The following KLHL29 variants were observed in gnomAD, a reference collection of about 807,000 sequenced individuals.
KLHL29 encodes kelch like family member 29.
A neutral mutation model predicts 80.4 loss-of-function variants in KLHL29; 21 were observed. The ratio of observed to expected loss-of-function variants is 0.26; its 90% confidence interval spans 0.19 to 0.38. KLHL29 has a LOEUF of 0.38. KLHL29 is among the 10% of genes least tolerant of loss of function. The pLI is 1.00. For synonymous variants in KLHL29, 511 were observed against 526.8 expected, an observed-to-expected ratio of 0.97 and a Z score of 0.41; for missense variants, 867 against 1,223.9, an observed-to-expected ratio of 0.71 and a Z score of 4.35.
intron 3 of KLHL29, among the ~76,000 whole-genome samples, chr2:23,606,847 C>A (rs1668740571): frequency 6.6e-6 from 1 of 152,190 alleles, no homozygotes. Context: ...GCTGCCATAA[C>A]AAAATACTGT....
chr2:23,394,056 C>T (rs1666388218), intron 1 of KLHL29, among the ~76,000 whole-genome samples: 1 of 152,196 alleles, frequency 6.6e-6, no homozygotes, highest in Non-Finnish European at 1.5e-5. Flanking sequence ...CTGTTTTGTG[C>T]AAAGCATACG....
At chr2:23,687,292 C>G (rs2149197151) in intron 6 of KLHL29, among the ~76,000 whole-genome samples, 1 of 152,326 alleles carries the variant, frequency 6.6e-6, no homozygotes, top group Admixed American at 6.5e-5. Context: ...CCTGCTGTCC[C>G]CGCATCCCCA....
At chr2:23,431,184 A>G (rs1663165418) in intron 1 of KLHL29, among the ~76,000 whole-genome samples, 2 of 152,194 alleles carry the variant, frequency 1.3e-5, no homozygotes, top group Non-Finnish European at 2.9e-5. Flanking sequence ...TGTGGAGTCC[A>G]TGGCACCAAC....
At chr2:23,653,814 A>G (rs1417114818) in intron 5 of KLHL29, among the ~76,000 whole-genome samples, 1 of 150,394 alleles carries the variant, frequency 6.6e-6, no homozygotes, top group African/African-American at 2.4e-5. Context: ...CAAATATCAG[A>G]TGAGTGTTTT....
intron 6 of KLHL29, among the ~76,000 whole-genome samples, chr2:23,687,797 A>G (rs1411750169): frequency 6.6e-6 from 1 of 152,140 alleles, no homozygotes; most frequent in East Asian, 1.9e-4. Flanking sequence ...ACGTTGCTGC[A>G]GGGCCGGGTA....
chr2:23,662,471 A>C (rs1422237488), intron 5 of KLHL29, among the ~76,000 whole-genome samples: 1 of 152,190 alleles, frequency 6.6e-6, no homozygotes, highest in Admixed American at 6.5e-5. Context: ...GCCTTTGGCC[A>C]TGCGAGGCCT....
chr2:23,642,367 G>T lies in KLHL29; in HGVS notation c.457G>T (p.Ala153Ser), dbSNP rs747009192. The change falls in exon 5 of 14, where the codon GCC becomes TCC. Residue 153 changes from alanine (A) to serine (S), a missense_variant. By Grantham distance (99) the Ala-to-Ser change is moderately conservative. Transcript: ENST00000486442. Reference sequence around the variant, plus strand: ...AGGGCCATGGGTGACCACGGTGGCCGCCGGGAACCAGCCCACCCTGATTGC... The same window carrying T: ...AGGGCCATGGGTGACCACGGTGGCCTCCGGGAACCAGCCCACCCTGATTGC... ...GTGPWVTTVA[A>S]GNQPTLIAHS... is the part of the protein sequence containing the mutation. 1.6e-4 allele frequency: 226 copies of T among 1,431,908 alleles called. No individual in the cohort carries two copies. The highest frequency in any genetic ancestry group is 2.0e-4 in the Non-Finnish European group (216 of 1,087,458). The allele number at this position is 1,431,908 out of a possible 1,614,324, so 88.7% of individuals were successfully genotyped here. A position where few individuals can be genotyped will look rare whatever the true frequency, so the allele number is the denominator to read the frequency against.
At chr2:23,602,957 C>G (rs1287945174) in intron 3 of KLHL29, among the ~76,000 whole-genome samples, 1 of 152,136 alleles carries the variant, frequency 6.6e-6, no homozygotes, top group African/African-American at 2.4e-5. Flanking sequence ...CTTCATAGAC[C>G]CCTCTGATTT....
intron 2 of KLHL29, among the ~76,000 whole-genome samples, chr2:23,501,805 A>G (rs1665453182): frequency 6.6e-6 from 1 of 152,156 alleles, no homozygotes; most frequent in South Asian, 2.1e-4. Context: ...TGCACTGACA[A>G]ATGCAGACAT....
At chr2:23,497,354 G>A (rs1305136186) in intron 2 of KLHL29, among the ~76,000 whole-genome samples, 3 of 152,170 alleles carry the variant, frequency 2.0e-5, no homozygotes, top group Non-Finnish European at 2.9e-5. Flanking sequence ...GCAGGGAGCC[G>A]AGGGTTTCCT....
In KLHL29 at chr2:23,609,963, G is replaced by A. The variant is rs188457439; in HGVS notation, c.286-29176G>A. Reference sequence around the variant, plus strand: ...CCACACTACTGTCTTCAGTGACATGGGGGTACGGGAGGTCCATTACTCAGG... The same window carrying A: ...CCACACTACTGTCTTCAGTGACATGAGGGTACGGGAGGTCCATTACTCAGG... On this transcript the variant is annotated intron_variant, in intron 3 of 13. Transcript: ENST00000486442. 2.0e-3 allele frequency among the ~76,000 whole-genome samples: 299 copies of A among 152,258 alleles called. 1 individual carries two copies. The highest frequency in any genetic ancestry group is 6.8e-3 in the Middle Eastern group (2 of 294).
At chr2:23,386,302 G>C (rs1290838286) in intron 1 of KLHL29, among the ~76,000 whole-genome samples, 1 of 152,162 alleles carries the variant, frequency 6.6e-6, no homozygotes, top group African/African-American at 2.4e-5. Flanking sequence ...TCTGCCCCTC[G>C]CGTCCTCTGA....
At chr2:23,404,536 A>G (rs1666678202) in intron 1 of KLHL29, among the ~76,000 whole-genome samples, 1 of 152,280 alleles carries the variant, frequency 6.6e-6, no homozygotes, top group African/African-American at 2.4e-5. Context: ...AATCCGTGAC[A>G]TGATCGAGGT....
chr2:23,643,835 G>T (rs535873832), intron 5 of KLHL29: 3 of 152,348 alleles, frequency 2.0e-5, no homozygotes, highest in African/African-American at 4.8e-5. Context: ...GCCCAACGGG[G>T]TGTCTACATC....
intron 5 of KLHL29, among the ~76,000 whole-genome samples, chr2:23,653,439 C>T (rs1453045481): frequency 6.6e-6 from 1 of 152,222 alleles, no homozygotes; most frequent in Non-Finnish European, 1.5e-5. Flanking sequence ...TAAGCCTCTC[C>T]AAGCTTGCCC....
At chr2:23,625,296 G>T (rs1454329868) in intron 3 of KLHL29, among the ~76,000 whole-genome samples, 1 of 152,238 alleles carries the variant, frequency 6.6e-6, no homozygotes, top group Non-Finnish European at 1.5e-5. Context: ...GAAACTTCTC[G>T]TGTCTGCATA....
intron 11 of KLHL29, among the ~76,000 whole-genome samples, chr2:23,698,548 T>G (rs1470013732): frequency 1.4e-5 from 2 of 141,906 alleles, no homozygotes; most frequent in Non-Finnish European, 3.1e-5. Flanking sequence ...TGATAATGAA[T>G]GAGATATATG....
chr2:23,478,861 G>A (rs1664707650), intron 2 of KLHL29, among the ~76,000 whole-genome samples: 1 of 152,096 alleles, frequency 6.6e-6, no homozygotes, highest in Admixed American at 6.5e-5. Flanking sequence ...TGTCTCCAGA[G>A]CTAACGGCAG....
intron 3 of KLHL29, among the ~76,000 whole-genome samples, chr2:23,580,147 G>A (rs529658575): frequency 1.6e-4 from 25 of 152,234 alleles, no homozygotes; most frequent in African/African-American, 5.3e-4. Context: ...GAGGCGGGCC[G>A]ATCACGAGGT....
Sources: allele counts gnomAD v4.1 joint callset (sites outside exome capture counted in the v4.1 genomes callset), GRCh38; gene constraint gnomAD v4.1.1; transcripts MANE v1.5; gene names NCBI Gene and HGNC (gene_info 2026-07-23, HGNC 2026-07-21).